Variants in NIN observed in about 807,000 individuals in gnomAD.
The protein encoded by NIN is glycogen synthase kinase 3 beta-interacting protein.
In NIN, 137 loss-of-function variants were observed where a neutral mutation model predicts 257.6. The observed-to-expected ratio is 0.53, with a 90% CI of 0.46 to 0.61. The LOEUF (loss-of-function observed/expected upper bound fraction) is 0.61, where lower values mean the gene tolerates loss of function less well. NIN is among the 20% of genes least tolerant of loss of function. The pLI is 0.00. For missense variants in NIN, 2,439 were observed against 2,501.2 expected (o/e 0.98, Z 0.53); for synonymous variants, 918 against 919.8 (o/e 1.00, Z 0.04).
chr14:50,760,304 T>G lies in NIN; in HGVS notation c.1952A>C (p.Gln651Pro). The stretch of plus-strand genomic sequence containing the variant: ...CTCATGCCTTTGCTTCATGTTCTCC[T>G]GTGCCTTCTTGCAGCTGACCACGGT... ...DETVVSCKKAQENMKQRHENE... is the reference protein window; with the variant it reads ...DETVVSCKKAPENMKQRHENE... The change falls in exon 17 of 31, where the codon CAG becomes CCG. Residue 651 changes from glutamine to proline, a missense_variant. Coordinates refer to ENST00000530997, the MANE Select transcript of NIN (RefSeq NM_020921.4). 1 of 1,608,514 alleles carries G rather than the reference T, an allele frequency of 6.2e-7. No homozygotes were observed. Among genetic ancestry groups the G allele is most frequent in the Non-Finnish European group, 8.5e-7 (1 of 1,179,940 alleles).
intron 4 of NIN, 123 bp from the exon 5 acceptor site, chr14:50,793,004 T>C (rs2043667968): frequency 5.2e-6 from 5 of 956,376 alleles, no homozygotes; most frequent in Non-Finnish European, 7.9e-6. Context: ...TGTTTGCCAA[T>C]TGTGGTGGCT....
At position 50,792,884 on chromosome 14, in the gene NIN, G is replaced by T; in HGVS notation, c.266-3C>A. On this transcript the variant is annotated splice_polypyrimidine_tract_variant and splice_region_variant and intron_variant, in intron 4 of 30. Transcript: ENST00000530997. ...GGGCTGAGCTTCTAGTGAGCAGTCTGAGAGAGGAGACAAGAGTTGAGGCCA... is the reference window on the plus strand; with the variant it reads ...GGGCTGAGCTTCTAGTGAGCAGTCTTAGAGAGGAGACAAGAGTTGAGGCCA... The T allele has an allele frequency of 6.2e-7, 1 of 1,614,120 alleles. No individual in the cohort carries two copies. The highest frequency in any genetic ancestry group is 8.5e-7 in the Non-Finnish European group (1 of 1,179,978).
intron 5 of NIN, among the ~76,000 whole-genome samples, chr14:50,787,299 T>A (rs1168277358): frequency 1.3e-5 from 2 of 152,224 alleles, no homozygotes; most frequent in East Asian, 3.8e-4. Context: ...TTGCACAACC[T>A]TTTCTACCAG....
intron 30 of NIN, chr14:50,725,743 C>A: frequency 1.3e-6 from 1 of 752,448 alleles, no homozygotes; most frequent in Non-Finnish European, 2.2e-6. Context: ...GACAAACATG[C>A]CTTAAACAGA....
At position 50,811,809 on chromosome 14, in the gene NIN, G is replaced by A. The variant is rs112184798; in HGVS notation, c.184-4991C>T. ...GGAGATCGAGACCATCCTGGCTAAC[G>A]TGGTGAAACCCCGTCTCTATTAAAA... On this transcript the variant is annotated intron_variant, in intron 3 of 30. Coordinates refer to ENST00000530997, the MANE Select transcript of NIN (RefSeq NM_020921.4). Among the ~76,000 whole-genome samples the A allele has an allele frequency of 4.2e-4, 64 of 151,988 alleles. 1 individual carries two copies. In the East Asian group the frequency reaches 7.6e-3, roughly 18 times the overall value.
At chr14:50,731,780 C>T (rs1261804778) in intron 28 of NIN, among the ~76,000 whole-genome samples, 1 of 152,226 alleles carries the variant, frequency 6.6e-6, no homozygotes, top group African/African-American at 2.4e-5. Flanking sequence ...GAGCTGAAAT[C>T]GCGCCACTGC....
chr14:50,763,480 G>A (rs2042351566), intron 15 of NIN, among the ~76,000 whole-genome samples: 1 of 152,190 alleles, frequency 6.6e-6, no homozygotes, highest in African/African-American at 2.4e-5. Flanking sequence ...CTTCGAAGAG[G>A]ACAGCAATAG....
In NIN at chr14:50,784,621, C is replaced by T. The variant is rs142079996; in HGVS notation, c.436-5817G>A. 6.6e-5 allele frequency among the ~76,000 whole-genome samples: 10 copies of T among 152,316 alleles called. No homozygotes were observed. The East Asian group carries it at 1.9e-3, about 29-fold the overall frequency. On this transcript the variant is annotated intron_variant, in intron 5 of 30. Coordinates refer to ENST00000530997, the MANE Select transcript of NIN (RefSeq NM_020921.4). ...CTTTAAAGAACAAACCCAGAAGAGACTCTCTTTAAAATCTACAGCCTTGAT... is the reference window on the plus strand; with the variant it reads ...CTTTAAAGAACAAACCCAGAAGAGATTCTCTTTAAAATCTACAGCCTTGAT...
chr14:50,723,844 T>C (rs2040319353), intron 30 of NIN, 172 bp from the exon 31 acceptor site: 5 of 595,682 alleles, frequency 8.4e-6, no homozygotes, highest in African/African-American at 3.7e-5. Context: ...AGGGACACCA[T>C]TGGAACAAAT....
chr14:50,790,110 A>G (rs763608919), intron 5 of NIN, among the ~76,000 whole-genome samples: 15 of 152,182 alleles, frequency 9.9e-5, no homozygotes, highest in Non-Finnish European at 5.9e-5. Context: ...GCTGGAGTGC[A>G]GTGGCACGAT....
chr14:50,828,618 T>C (rs2045569002), intron 2 of NIN, among the ~76,000 whole-genome samples: 1 of 152,252 alleles, frequency 6.6e-6, no homozygotes, highest in African/African-American at 2.4e-5. Flanking sequence ...TAAAATGCTC[T>C]GGCTAAGCTT....
chr14:50,780,949 AAGTGGTAAAGTCAAC>A (rs2043112030), intron 5 of NIN, among the ~76,000 whole-genome samples: 1 of 152,188 alleles, frequency 6.6e-6, no homozygotes, highest in Non-Finnish European at 1.5e-5. Context: ...GATGGGGAGC[AAGTGGTAAAGTCAAC>A]AGTCCTTCAT....
chr14:50,729,846 C>A, intron 28 of NIN, 123 bp from the exon 29 acceptor site: 1 of 690,762 alleles, frequency 1.4e-6, no homozygotes. Context: ...CCCACTGAAA[C>A]TTGGAAACAG....
rs538709944 is a variant in NIN, at chr14:50,790,769, T to A, written c.435+1943A>T. Among the ~76,000 whole-genome samples the A allele has an allele frequency of 2.0e-5, 3 of 152,372 alleles. No homozygotes were observed. The East Asian group carries it at 5.8e-4, about 29-fold the overall frequency. ...TGATACTCCCAAAATACCATTTTAC[T>A]GAGACATAAGCCACAAGATTTTGCC... On this transcript the variant is annotated intron_variant, in intron 5 of 30. Coordinates refer to ENST00000530997, the MANE Select transcript of NIN (RefSeq NM_020921.4).
At chr14:50,745,730 C>G (rs2041507100) in intron 22 of NIN, among the ~76,000 whole-genome samples, 1 of 152,202 alleles carries the variant, frequency 6.6e-6, no homozygotes, top group South Asian at 2.1e-4. Context: ...ACCCTCCAGA[C>G]ACCCGTAAAG....
chr14:50,810,230 CAAA>C (rs57511926), intron 3 of NIN, among the ~76,000 whole-genome samples: 5 of 73,072 alleles, frequency 6.8e-5, no homozygotes, highest in African/African-American at 4.4e-5. Context: ...GACTCCGTCT[CAAA>C]AAAAAAAAAA....
intron 2 of NIN, among the ~76,000 whole-genome samples, chr14:50,826,233 C>T (rs1048738305): frequency 1.3e-5 from 2 of 152,300 alleles, no homozygotes; most frequent in African/African-American, 2.4e-5. Context: ...TCCAGTGTTA[C>T]GAAGCCTGCC....
At chr14:50,794,484 C>T (rs2043747860) in intron 4 of NIN, 2 of 999,748 alleles carry the variant, frequency 2.0e-6, no homozygotes, top group South Asian at 9.3e-5. Context: ...AGGAGCGGCC[C>T]AGACACCCGA....
intron 3 of NIN, among the ~76,000 whole-genome samples, chr14:50,818,597 C>A (rs1159175778): frequency 6.6e-6 from 1 of 152,060 alleles, no homozygotes; most frequent in Admixed American, 6.6e-5. Flanking sequence ...TGTGATGAGG[C>A]CTCATCTAGC....
Sources: gnomAD v4.1 joint callset for allele counts (sites outside exome capture counted in the v4.1 genomes callset) on GRCh38, gnomAD v4.1.1 for gene constraint, MANE v1.5 for transcripts, NCBI Gene and HGNC (gene_info 2026-07-23, HGNC 2026-07-21) for gene names.